Variants in CCDC60 observed in about 807,000 individuals in gnomAD.
The protein encoded by CCDC60 is coiled-coil domain-containing protein 60.
In CCDC60, 54 loss-of-function variants were observed where a neutral mutation model predicts 63.5. The observed-to-expected ratio is 0.85, with a 90% confidence interval of 0.68 to 1.07. CCDC60 has a LOEUF of 1.07. CCDC60 is among the 50% of genes least tolerant of loss of function. The probability of loss-of-function intolerance (pLI) is 0.00; values close to 1 mark genes in which losing one functional copy is unlikely to be tolerated. For synonymous variants in CCDC60, 206 were observed against 238.8 expected (o/e 0.86, Z 1.27); for missense variants, 651 against 684.3 (o/e 0.95, Z 0.54).
intron 2 of CCDC60, among the ~76,000 whole-genome samples, chr12:119,453,442 G>A (rs1238328663): frequency 6.6e-6 from 1 of 152,198 alleles, no homozygotes; most frequent in African/African-American, 2.4e-5. Flanking sequence ...GCAAAGCAGA[G>A]GTTAATTCCT....
At chr12:119,508,414 G>A (rs1952113030) in intron 7 of CCDC60, among the ~76,000 whole-genome samples, 1 of 151,352 alleles carries the variant, frequency 6.6e-6, no homozygotes, top group Non-Finnish European at 1.5e-5. Flanking sequence ...CCTGGAGGCA[G>A]AGGTTGTAGT....
At chr12:119,393,037 G>A (rs1220449133) in intron 1 of CCDC60, among the ~76,000 whole-genome samples, 2 of 152,072 alleles carry the variant, frequency 1.3e-5, no homozygotes, top group African/African-American at 4.8e-5. Flanking sequence ...GGTGGCACAC[G>A]CCTATGGTCC....
rs1956023987 is a variant in CCDC60, at chr12:119,383,000, T to C, written c.91-45683T>C. 2.0e-5 allele frequency among the ~76,000 whole-genome samples: 3 copies of C among 152,218 alleles called. 1 individual carries two copies. Among genetic ancestry groups the C allele is most frequent in the Admixed American group, 2.0e-4 (3 of 15,282 alleles). ...TGTGCTTGCCTGTTAGCCATGTTCT[T>C]GAAGCTGGTCTTGCAGGCATAACCC... On this transcript the variant is annotated intron_variant, in intron 1 of 13. Coordinates refer to ENST00000327554, the MANE Select transcript of CCDC60 (RefSeq NM_178499.5).
chr12:119,485,195 T>C (rs980616139), intron 4 of CCDC60, among the ~76,000 whole-genome samples: 5 of 152,206 alleles, frequency 3.3e-5, no homozygotes, highest in Non-Finnish European at 5.9e-5. Flanking sequence ...ATAAGAAAAC[T>C]GAGGCTCAAA....
At chr12:119,358,446 C>A (rs971196552) in intron 1 of CCDC60, among the ~76,000 whole-genome samples, 2 of 152,170 alleles carry the variant, frequency 1.3e-5, no homozygotes, top group Admixed American at 1.3e-4. Context: ...CCACGCCAGC[C>A]CCTCAATCTT....
chr12:119,489,014 G>A, intron 5 of CCDC60, 148 bp downstream of exon 5: 1 of 681,668 alleles, frequency 1.5e-6, no homozygotes, highest in Non-Finnish European at 2.6e-6. Context: ...GATCTGAACA[G>A]GGGAGAACTA....
At chr12:119,524,722 T>TTTTTTTTTTTTTC (rs1491572674) in intron 11 of CCDC60, among the ~76,000 whole-genome samples, 17 of 125,042 alleles carry the variant, frequency 1.4e-4, no homozygotes, top group African/African-American at 5.0e-4. Context: ...TTTTCTTTTC[T>TTTTTTTTTTTTTC]TTTTTTTTTT....
At chr12:119,341,598 A>G (rs1565962475) in intron 1 of CCDC60, among the ~76,000 whole-genome samples, 3 of 152,338 alleles carry the variant, frequency 2.0e-5, no homozygotes, top group South Asian at 4.1e-4. Context: ...GTTAGCCTCC[A>G]CTAAGTGGTG....
intron 1 of CCDC60, among the ~76,000 whole-genome samples, chr12:119,409,191 G>A (rs936873889): frequency 5.9e-5 from 9 of 152,052 alleles, no homozygotes; most frequent in Non-Finnish European, 1.2e-4. Context: ...CCTGATCATC[G>A]CCAACCTGGG....
chr12:119,471,918 C>T (rs994849487), intron 2 of CCDC60, 76 bp from the exon 3 acceptor site: 2 of 1,224,192 alleles, frequency 1.6e-6, no homozygotes, highest in African/African-American at 3.0e-5. Context: ...CTTTCTTTCT[C>T]TCCTTCTCTT....
chr12:119,360,580 C>G (rs1955775005), intron 1 of CCDC60, among the ~76,000 whole-genome samples: 1 of 149,970 alleles, frequency 6.7e-6, no homozygotes, highest in Non-Finnish European at 1.5e-5. Context: ...GACGGGGTGG[C>G]GGCCGGGCAG....
chr12:119,364,763 C>G (rs1955824098), intron 1 of CCDC60, among the ~76,000 whole-genome samples: 1 of 152,206 alleles, frequency 6.6e-6, no homozygotes, highest in Non-Finnish European at 1.5e-5. Context: ...ACGGGGCGAT[C>G]TCCCTTTGGA....
chr12:119,424,079 T>A (rs996735273), intron 1 of CCDC60, among the ~76,000 whole-genome samples: 2 of 152,216 alleles, frequency 1.3e-5, no homozygotes, highest in Non-Finnish European at 2.9e-5. Flanking sequence ...ATAATTCAAA[T>A]GCCCTGAGAT....
At chr12:119,516,758 A>T (rs761337119) in intron 8 of CCDC60, 51 bp downstream of exon 8, 4 of 1,277,756 alleles carry the variant, frequency 3.1e-6, no homozygotes, top group Non-Finnish European at 4.5e-6. Context: ...AATAGCAATC[A>T]CATTAACAGT....
At chr12:119,533,412 CTTTAG>C (rs535457105) in intron 13 of CCDC60, among the ~76,000 whole-genome samples, 47 of 152,298 alleles carry the variant, frequency 3.1e-4, no homozygotes, top group African/African-American at 1.1e-3. Flanking sequence ...TGCAGAAGCT[CTTTAG>C]TTTAATCAGA....
At chr12:119,365,236 C>G (rs182209527) in intron 1 of CCDC60, among the ~76,000 whole-genome samples, 1 of 152,040 alleles carries the variant, frequency 6.6e-6, no homozygotes, top group African/African-American at 2.4e-5. Flanking sequence ...TGAGACGAGC[C>G]CTGGTTAGAC....
chr12:119,341,687 T>A (rs1275665296), intron 1 of CCDC60, among the ~76,000 whole-genome samples: 1 of 152,206 alleles, frequency 6.6e-6, no homozygotes, highest in Non-Finnish European at 1.5e-5. Context: ...TTTGAAGATA[T>A]GGCCAACCCA....
intron 2 of CCDC60, among the ~76,000 whole-genome samples, chr12:119,432,382 G>A (rs999334242): frequency 2.0e-5 from 3 of 152,214 alleles, no homozygotes; most frequent in South Asian, 2.1e-4. Context: ...CAGCAGGGAC[G>A]TTGGATCAGA....
intron 1 of CCDC60, among the ~76,000 whole-genome samples, chr12:119,366,785 G>C (rs1347570301): frequency 6.6e-6 from 1 of 152,156 alleles, no homozygotes; most frequent in Non-Finnish European, 1.5e-5. Context: ...ATCAAGACGA[G>C]CCAGAGGATA....
Sources: allele counts gnomAD v4.1 joint callset (sites outside exome capture counted in the v4.1 genomes callset), GRCh38; gene constraint gnomAD v4.1.1; transcripts MANE v1.5; gene names NCBI Gene and HGNC (gene_info 2026-07-23, HGNC 2026-07-21).